NDUFS7: variants seen among roughly 807,000 people sequenced by gnomAD.
NDUFS7 encodes the protein NADH dehydrogenase [ubiquinone] iron-sulfur protein 7, mitochondrial.
NDUFS7 carries 11 observed loss-of-function variants against 31.1 expected under a neutral mutation model. The ratio of observed to expected loss-of-function variants is 0.35; its 90% CI spans 0.22 to 0.59. NDUFS7 has a LOEUF of 0.59. NDUFS7 is among the 20% of genes least tolerant of loss of function. The pLI, the probability that NDUFS7 is intolerant of heterozygous loss-of-function variation, is 0.79. For synonymous variants in NDUFS7, 136 were observed against 127.9 expected, an observed-to-expected ratio of 1.06 and a Z score of -0.43; for missense variants, 263 against 324.2, an observed-to-expected ratio of 0.81 and a Z score of 1.45.
chr19:1,395,440 G>A lies in NDUFS7; in HGVS notation c.594G>A (p.Gln198=), dbSNP rs1328212066. 1 of 1,601,424 alleles carries A rather than the reference G, an allele frequency of 6.2e-7. No homozygotes were observed. Among genetic ancestry groups the A allele is most frequent in the Non-Finnish European group, 8.5e-7 (1 of 1,175,900 alleles). ...EALLYGILQL[Q]RKIKRERRLQ... ...TGCTCTACGGCATCCTGCAGCTGCA[G>A]AGGAAGATCAAGCGGGAGCGGAGGC... is the stretch of plus-strand genomic sequence containing the variant. The change falls in exon 8 of 8, where the codon CAG becomes CAA. Residue 198 remains glutamine (Q), a synonymous_variant. Transcript: ENST00000233627.
chr19:1,388,313 CA>C, intron 2 of NDUFS7: 1 of 622,046 alleles, frequency 1.6e-6, no homozygotes, highest in Non-Finnish European at 2.9e-6. Flanking sequence ...GGGTACGTCA[CA>C]AAAGAAGTTC....
chr19:1,391,331 TG>T (rs1463332827), intron 6 of NDUFS7, among the ~76,000 whole-genome samples, 166 bp downstream of exon 6: 1 of 152,138 alleles, frequency 6.6e-6, no homozygotes, highest in Middle Eastern at 3.2e-3. Context: ...GCAGATGCGC[TG>T]GTGGGCCTCT....
In NDUFS7 at chr19:1,389,205, G is replaced by A. The variant is rs552182307; in HGVS notation, c.228+267G>A. 3.0e-4 allele frequency: 206 copies of A among 682,872 alleles called. 1 individual carries two copies. Among genetic ancestry groups the A allele is most frequent in the East Asian group, 2.5e-3 (90 of 35,844 alleles). 42.3% of individuals were successfully genotyped at this position (682,872 alleles called of 1,614,324 possible). Reference sequence around the variant, plus strand: ...CACACACAAGCACATGTGCACACACGCTTGCACACATACACACATGCACAC... The same window carrying A: ...CACACACAAGCACATGTGCACACACACTTGCACACATACACACATGCACAC... On this transcript the variant is annotated intron_variant, in intron 4 of 7. Transcript: ENST00000233627.
Position 1,391,146 on chromosome 19 carries a change from TAC to T in NDUFS7, c.437_438del (p.Tyr146CysfsTer?). The T allele has an allele frequency of 6.2e-7, 1 of 1,612,808 alleles. No homozygotes were observed. The highest frequency in any genetic ancestry group is 8.5e-7 in the Non-Finnish European group (1 of 1,179,676). ...CTACGACCAGATGCCGGAGCCGCGC[TAC>T]GTGGTCTCCATGGGGAGGTGAGTGC... is the stretch of plus-strand genomic sequence containing the variant. ...KVYDQMPEPR[Y>X]VVSMGSCANG... On this transcript the variant is annotated frameshift_variant, in exon 6 of 8. Coordinates refer to ENST00000233627, the MANE Select transcript of NDUFS7 (RefSeq NM_024407.5). LOFTEE classifies it high-confidence loss of function.
At chr19:1,395,288 A>G in intron 7 of NDUFS7, 103 bp from the exon 8 acceptor site, 1 of 1,498,192 alleles carries the variant, frequency 6.7e-7, no homozygotes, top group Non-Finnish European at 8.9e-7. Flanking sequence ...CCACCTTCAG[A>G]GGCCGGCCCG....
At chr19:1,388,630 G>A (rs757956854) in intron 3 of NDUFS7, 37 bp downstream of exon 3, 18 of 1,581,010 alleles carry the variant, frequency 1.1e-5, no homozygotes, top group South Asian at 2.2e-5. Context: ...GTACCCCCTC[G>A]CCCCACCCCC....
Position 1,388,505 on chromosome 19 carries a change from C to T in NDUFS7, c.54-20C>T, listed in dbSNP as rs200121063. On this transcript the variant is annotated intron_variant, in intron 2 of 7. Coordinates refer to ENST00000233627, the MANE Select transcript of NDUFS7 (RefSeq NM_024407.5). ...GAGGGGCCTGGGACAGCCACTGACC[C>T]GCGTTCCATCTCCCGGCAGCTCCAG... The T allele has an allele frequency of 1.5e-5, 24 of 1,609,820 alleles. No homozygotes were observed. In the African/African-American group the frequency reaches 1.6e-4, roughly 11 times the overall value.
Position 1,391,609 on chromosome 19 carries a change from C to G in NDUFS7, c.455+444C>G, listed in dbSNP as rs542440756. 3.3e-5 allele frequency among the ~76,000 whole-genome samples: 5 copies of G among 151,324 alleles called. No individual in the cohort carries two copies. The East Asian group carries it at 9.8e-4, about 30-fold the overall frequency. ...TCAAGCAATTTTCCTGCCTCAGCCT[C>G]CCAAGTAGCTGGGATTACAGGCATG... On this transcript the variant is annotated intron_variant, in intron 6 of 7. Coordinates refer to ENST00000233627, the MANE Select transcript of NDUFS7 (RefSeq NM_024407.5).
At chr19:1,394,120 C>T (rs752065181) in intron 7 of NDUFS7, 4 of 339,420 alleles carry the variant, frequency 1.2e-5, no homozygotes, top group East Asian at 8.0e-5. Context: ...CCCTGAGTCC[C>T]GAGTCTGGGG....
intron 4 of NDUFS7, 94 bp downstream of exon 4, chr19:1,389,032 ACACACACAACACATGCATG>A: frequency 1.0e-6 from 1 of 986,898 alleles, no homozygotes. Context: ...GCAGACACGT[ACACACACAACACATGCATG>A]CACACTCACA....
intron 2 of NDUFS7, 66 bp downstream of exon 2, chr19:1,387,913 G>GT: frequency 2.4e-6 from 1 of 408,176 alleles, no homozygotes; most frequent in Non-Finnish European, 4.9e-6. Flanking sequence ...GAACGGGGCG[G>GT]GGGGGGTGGG....
chr19:1,392,894 C>T (rs1285030063), intron 6 of NDUFS7: 8 of 373,976 alleles, frequency 2.1e-5, no homozygotes, highest in South Asian at 4.8e-5. Flanking sequence ...GAGGCTCAGC[C>T]GCCCCATAGA....
In NDUFS7 at chr19:1,391,174, A is replaced by G; in HGVS notation, c.455+9A>G. ...GTGGTCTCCATGGGGAGGTGAGTGCAGGGCGGGGGGTCTCCAGGGACAGAC... is the reference window on the plus strand; with the variant it reads ...GTGGTCTCCATGGGGAGGTGAGTGCGGGGCGGGGGGTCTCCAGGGACAGAC... On this transcript the variant is annotated intron_variant, in intron 6 of 7. Coordinates refer to ENST00000233627, the MANE Select transcript of NDUFS7 (RefSeq NM_024407.5). 1.2e-6 allele frequency: 2 copies of G among 1,611,404 alleles called. No individual in the cohort carries two copies. The highest frequency in any genetic ancestry group is 1.7e-6 in the Non-Finnish European group (2 of 1,179,292).
intron 7 of NDUFS7, chr19:1,394,977 C>T (rs1315737593): frequency 4.3e-5 from 48 of 1,124,496 alleles, no homozygotes; most frequent in Non-Finnish European, 5.1e-5. Flanking sequence ...TCTGGGCCAC[C>T]TCCCCTCCCT....
intron 4 of NDUFS7, chr19:1,389,320 T>TATACACATGCACAC: frequency 2.2e-6 from 1 of 460,880 alleles, no homozygotes; most frequent in Non-Finnish European, 4.3e-6. Context: ...TGCACACACA[T>TATACACATGCACAC]GCACACTCAC....
chr19:1,394,450 C>T (rs1374223695), intron 7 of NDUFS7: 3 of 1,274,916 alleles, frequency 2.4e-6, no homozygotes, highest in Non-Finnish European at 3.0e-6. Context: ...GACCGCGCTC[C>T]TCCCTCCCTG....
Position 1,387,914 on chromosome 19 carries a change from G to C in NDUFS7, c.53+67G>C, listed in dbSNP as rs575175431. The C allele has an allele frequency of 6.9e-5, 28 of 405,748 alleles. 1 individual carries two copies. Among genetic ancestry groups the C allele is most frequent in the African/African-American group, 2.1e-4 (9 of 42,164 alleles). 25.1% of individuals were successfully genotyped at this position (405,748 alleles called of 1,614,324 possible). ...CAGCAGCGACAGACGAACGGGGCGGGGGGGGTGGGGGGTGGGGGGAGCGCC... is the reference window on the plus strand; with the variant it reads ...CAGCAGCGACAGACGAACGGGGCGGCGGGGGTGGGGGGTGGGGGGAGCGCC... On this transcript the variant is annotated intron_variant, in intron 2 of 7. Transcript: ENST00000233627.
chr19:1,388,701 A>G (rs2082526819), intron 3 of NDUFS7, 108 bp downstream of exon 3: 1 of 1,434,028 alleles, frequency 7.0e-7, no homozygotes, highest in East Asian at 2.5e-5. Flanking sequence ...TGGGGCAGGG[A>G]GGGGGTCACA....
Position 1,388,869 on chromosome 19 carries a change from T to G in NDUFS7, c.159T>G (p.Ala53=). The part of the protein sequence containing the change: ...QPALPKARAV[A]PKPSSRGEYV... ...CCCTGCCAAAGGCCAGAGCCGTGGC[T>G]CCCAAACCCAGCAGCCGGGGCGAGT... The change falls in exon 4 of 8, where the codon GCT becomes GCG. Residue 53 remains alanine, a synonymous_variant. Transcript: ENST00000233627. 1 of 1,608,248 alleles carries G rather than the reference T, an allele frequency of 6.2e-7. No individual in the cohort carries two copies. The highest frequency in any genetic ancestry group is 8.5e-7 in the Non-Finnish European group (1 of 1,177,860).
Sources: gnomAD v4.1 joint callset for allele counts (sites outside exome capture counted in the v4.1 genomes callset) on GRCh38, gnomAD v4.1.1 for gene constraint, MANE v1.5 for transcripts, NCBI Gene and HGNC (gene_info 2026-07-23, HGNC 2026-07-21) for gene names.